Variants in TNNT1 observed in about 807,000 individuals in gnomAD.
The protein encoded by TNNT1 is troponin T1, slow skeletal type, also known as troponin T, slow skeletal muscle.
Under a neutral mutation model 50.6 loss-of-function variants are expected in TNNT1, and 53 were observed. That is an observed-to-expected ratio of 1.05 (90% CI 0.84 to 1.32). The LOEUF is 1.32. Ranked by LOEUF, TNNT1 falls within the 40% of genes most tolerant of loss-of-function variation. The pLI is 0.00. For missense variants in TNNT1, 348 were observed against 381.7 expected, an observed-to-expected ratio of 0.91 and a Z score of 0.74; for synonymous variants, 142 against 138.0, an observed-to-expected ratio of 1.03 and a Z score of -0.20.
intron 9 of TNNT1, among the ~76,000 whole-genome samples, chr19:55,138,468 C>T (rs2085395130): frequency 1.3e-5 from 2 of 152,106 alleles, no homozygotes; most frequent in African/African-American, 2.4e-5. Context: ...AGTGGAGACG[C>T]GGTTTCACCA....
In TNNT1 at chr19:55,146,666, A is replaced by C. The variant is rs759885491; in HGVS notation, c.73+15T>G. 4.7e-5 allele frequency: 59 copies of C among 1,252,872 alleles called. 1 individual carries two copies. The East Asian group carries it at 1.9e-3, about 41-fold the overall frequency. 77.6% of individuals were successfully genotyped at this position (1,252,872 alleles called of 1,614,324 possible). ...CCACCCCCCAGCTCCAGACCTGCGG[A>C]GTCCGGGACCTCACCTTCCTCCTCC... is the stretch of plus-strand genomic sequence containing the variant. On this transcript the variant is annotated intron_variant, in intron 4 of 13. Transcript: ENST00000588981.
rs1311548009 is a variant in TNNT1 at position 55,141,865 on chromosome 19, C to T, written c.184G>A (p.Asp62Asn). Residue 62 changes from aspartate (D) to asparagine (N), a missense_variant, in exon 7 of 14, where the codon GAC becomes AAC. Physicochemically the swap from Asp to Asn is conservative, Grantham distance 23. Around this residue, in one of 3 missense-constraint regions of TNNT1, gnomAD observed 5 missense variants for 19.1 expected, o/e 0.26. Coordinates refer to ENST00000588981, the MANE Select transcript of TNNT1 (RefSeq NM_003283.6). The part of the protein sequence containing the change: ...PPKIPEGERV[D>N]FDDIHRKRME... ...GGTCTCTTGTCACTTACATCGAAGT[C>T]AACGCGCTCCCCTTCTGGGATCTTT... 1 of 1,613,926 alleles carries T rather than the reference C, an allele frequency of 6.2e-7. No homozygotes were observed. Among genetic ancestry groups the T allele is most frequent in the African/African-American group, 1.3e-5 (1 of 74,914 alleles).
At chr19:55,147,258 G>C in intron 1 of TNNT1, 90 bp from the exon 2 acceptor site, 1 of 1,293,848 alleles carries the variant, frequency 7.7e-7, no homozygotes, top group African/African-American at 1.5e-5. Flanking sequence ...GGGGCTGGGG[G>C]CCTGGACTCC....
chr19:55,132,748 G>A lies in TNNT1; in HGVS notation c.*167C>T. ...ATGATTATTGGTGACACTCTTTCAA[G>A]TAACTTGTTGGTAATAAGAAGTCAA... is the stretch of plus-strand genomic sequence containing the variant. On this transcript the variant is annotated 3_prime_UTR_variant, in exon 14 of 14. Coordinates refer to ENST00000588981, the MANE Select transcript of TNNT1 (RefSeq NM_003283.6). 1 of 681,970 alleles carries A rather than the reference G, an allele frequency of 1.5e-6. No individual in the cohort carries two copies. Among genetic ancestry groups the A allele is most frequent in the South Asian group, 1.7e-5 (1 of 58,120 alleles). The allele number at this position is 681,970 out of a possible 1,614,324, so 42.2% of individuals were successfully genotyped here. A position where few individuals can be genotyped will look rare whatever the true frequency, so the allele number is the denominator to read the frequency against.
rs966031157 is a variant in TNNT1, at chr19:55,140,771, C to T, written c.387+112G>A. Reference sequence around the variant, plus strand: ...CAGCCTGGGCGACAGAGCTAGACTCCGTTTCAAAGAATAATAATAATAGTA... The same window carrying T: ...CAGCCTGGGCGACAGAGCTAGACTCTGTTTCAAAGAATAATAATAATAGTA... On this transcript the variant is annotated intron_variant, in intron 9 of 13. Transcript: ENST00000588981. The T allele has an allele frequency of 7.8e-5, 59 of 754,672 alleles. No individual in the cohort carries two copies. In the African/African-American group the frequency reaches 8.8e-4, roughly 11 times the overall value. The allele number at this position is 754,672 out of a possible 1,614,324, so 46.7% of individuals were successfully genotyped here.
At position 55,133,238 on chromosome 19, in the gene TNNT1, G is replaced by T. The variant is rs891185; in HGVS notation, c.792-278C>A. On this transcript the variant is annotated intron_variant, in intron 13 of 13. Coordinates refer to ENST00000588981, the MANE Select transcript of TNNT1 (RefSeq NM_003283.6). The stretch of plus-strand genomic sequence containing the variant: ...ATGTTTATGAGTCAGGGGCCAGGGT[G>T]GGGGGAGGAAGGGTTGGATGATCTG... Among the ~76,000 whole-genome samples, 34,836 of 150,658 alleles carry T rather than the reference G, an allele frequency of 0.23. 4,276 individuals carry two copies. Among genetic ancestry groups the T allele is most frequent in the South Asian group, 0.42 (1,997 of 4,724 alleles).
intron 11 of TNNT1, 54 bp from the exon 12 acceptor site, chr19:55,134,258 C>T (rs1208803424): frequency 2.0e-6 from 3 of 1,508,082 alleles, no homozygotes; most frequent in Non-Finnish European, 2.7e-6. Flanking sequence ...GGGAACCACC[C>T]AAAGCCACAC....
intron 13 of TNNT1, 67 bp from the exon 14 acceptor site, chr19:55,133,027 C>T (rs2085275765): frequency 7.1e-7 from 1 of 1,417,062 alleles, no homozygotes; most frequent in East Asian, 2.4e-5. Flanking sequence ...GCCCCAGGCC[C>T]TCAATTCAGG....
chr19:55,133,762 A>C (rs1318263540), intron 13 of TNNT1, 125 bp downstream of exon 13: 11 of 1,069,676 alleles, frequency 1.0e-5, no homozygotes, highest in African/African-American at 1.6e-5. Context: ...CAGAGAAGGA[A>C]GGACAAAGAG....
At position 55,132,770 on chromosome 19, in the gene TNNT1, T is replaced by C; in HGVS notation, c.*145A>G. ...CAAGTAACTTGTTGGTAATAAGAAG[T>C]CAATTAACCAGGAGAGACCAGCTGC... On this transcript the variant is annotated 3_prime_UTR_variant, in exon 14 of 14. Coordinates refer to ENST00000588981, the MANE Select transcript of TNNT1 (RefSeq NM_003283.6). 1.3e-6 allele frequency: 1 copy of C among 754,070 alleles called. No homozygotes were observed. The highest frequency in any genetic ancestry group is 2.3e-6 in the Non-Finnish European group (1 of 437,882). The allele number at this position is 754,070 out of a possible 1,614,324, so 46.7% of individuals were successfully genotyped here.
chr19:55,137,982 A>G lies in TNNT1; in HGVS notation c.480T>C (p.His160=). 1 of 1,614,154 alleles carries G rather than the reference A, an allele frequency of 6.2e-7. No homozygotes were observed. The highest frequency in any genetic ancestry group is 8.5e-7 in the Non-Finnish European group (1 of 1,180,000). ...TCACCTTGACCAGGTAGCCGCCAAA[A>G]TGGGCCCCCATGTTGGACAGCACCT... ...KKKVLSNMGA[H]FGGYLVKAEQ... is the part of the protein sequence containing the mutation. The change falls in exon 10 of 14, where the codon CAT becomes CAC. Residue 160 remains histidine, a synonymous_variant. Coordinates refer to ENST00000588981, the MANE Select transcript of TNNT1 (RefSeq NM_003283.6).
chr19:55,139,724 C>T (rs180939095), intron 9 of TNNT1, among the ~76,000 whole-genome samples: 3 of 151,988 alleles, frequency 2.0e-5, no homozygotes, highest in Non-Finnish European at 2.9e-5. Flanking sequence ...CCCAGCTACT[C>T]GGGAGGCTGA....
At chr19:55,142,786 G>A (rs987740715) in intron 6 of TNNT1, among the ~76,000 whole-genome samples, 2 of 151,034 alleles carry the variant, frequency 1.3e-5, no homozygotes, top group African/African-American at 2.4e-5. Flanking sequence ...GACCTCAGGC[G>A]ATCTGCCTGC....
Position 55,132,889 on chromosome 19 carries a change from AGGTGCCACTGTCCG to A in TNNT1, c.*12_*25del. ...TGGGACAAACACTCCCAGGCTTCCC[AGGTGCCACTGTCCG>A]GGGCGGCATCCTCACTTCCAGCGGC... is the stretch of plus-strand genomic sequence containing the variant. On this transcript the variant is annotated 3_prime_UTR_variant, in exon 14 of 14. Transcript: ENST00000588981. 6.3e-7 allele frequency: 1 copy of A among 1,593,866 alleles called. No homozygotes were observed. The highest frequency in any genetic ancestry group is 8.5e-7 in the Non-Finnish European group (1 of 1,171,216).
intron 11 of TNNT1, among the ~76,000 whole-genome samples, chr19:55,136,566 G>A (rs867714449): frequency 4.6e-5 from 7 of 152,154 alleles, no homozygotes; most frequent in African/African-American, 7.2e-5. Flanking sequence ...CGGTGCAAGC[G>A]GCAAACCCGA....
Position 55,141,113 on chromosome 19 carries a change from T to C in TNNT1, c.309+73A>G, listed in dbSNP as rs1309794011. 11 of 1,482,744 alleles carry C rather than the reference T, an allele frequency of 7.4e-6. No homozygotes were observed. The Admixed American group carries it at 1.8e-4, about 25-fold the overall frequency. The allele number at this position is 1,482,744 out of a possible 1,614,324, so 91.8% of individuals were successfully genotyped here. A position where few individuals can be genotyped will look rare whatever the true frequency, so the allele number is the denominator to read the frequency against. ...CTCTGTACTAGGAGGAAAACTATTA[T>C]CTGCATCTCCCAAGATGCAAGGGAT... On this transcript the variant is annotated intron_variant, in intron 8 of 13. Transcript: ENST00000588981.
intron 6 of TNNT1, 133 bp from the exon 7 acceptor site, chr19:55,142,053 G>A: frequency 1.2e-6 from 1 of 824,520 alleles, no homozygotes; most frequent in Non-Finnish European, 2.1e-6. Context: ...CCCAGCTGAG[G>A]CGGGCTGTCA....
At chr19:55,145,520 G>GC (rs762276514) in intron 6 of TNNT1, 24 bp downstream of exon 6, 396 of 1,612,522 alleles carry the variant, frequency 2.5e-4, no homozygotes, top group Non-Finnish European at 3.1e-4. Flanking sequence ...TATGACTGGG[G>GC]CCCCCCACCC....
intron 11 of TNNT1, 52 bp from the exon 12 acceptor site, chr19:55,134,256 C>A: frequency 1.3e-6 from 2 of 1,519,900 alleles, no homozygotes. Flanking sequence ...GTGGGAACCA[C>A]CCAAAGCCAC....
Sources: allele counts gnomAD v4.1 joint callset (sites outside exome capture counted in the v4.1 genomes callset), GRCh38; gene constraint gnomAD v4.1.1; regional missense constraint gnomAD v4.1.1; transcripts MANE v1.5; gene names NCBI Gene and HGNC (gene_info 2026-07-23, HGNC 2026-07-21).